Variants in SEC63 observed in about 807,000 individuals in gnomAD.
SEC63 encodes the protein SEC63 protein translocation regulator, also known as translocation protein SEC63 homolog.
Under a neutral mutation model 116.2 loss-of-function variants are expected in SEC63, and 56 were observed. The observed-to-expected ratio is 0.48, with a 90% CI of 0.39 to 0.60. The LOEUF is 0.60. Ranked by LOEUF, SEC63 falls within the 20% of genes least tolerant of loss-of-function variation. The probability of loss-of-function intolerance (pLI) is 0.00; values close to 1 mark genes in which losing one functional copy is unlikely to be tolerated. For synonymous variants in SEC63, 273 were observed against 294.6 expected (o/e 0.93, Z 0.75); for missense variants, 668 against 900.0 (o/e 0.74, Z 3.30).
At chr6:107,892,951 T>C (rs901223172) in intron 16 of SEC63, among the ~76,000 whole-genome samples, 1 of 152,142 alleles carries the variant, frequency 6.6e-6, no homozygotes, top group African/African-American at 2.4e-5. Flanking sequence ...AATCTAGCAA[T>C]TCCACTGCTA....
intron 1 of SEC63, among the ~76,000 whole-genome samples, chr6:107,953,051 G>C (rs1268125867): frequency 1.3e-5 from 2 of 152,190 alleles, no homozygotes; most frequent in Non-Finnish European, 2.9e-5. Context: ...ATTGAGGTCA[G>C]AAGTTCGAGA....
intron 10 of SEC63, among the ~76,000 whole-genome samples, chr6:107,905,981 T>A (rs1787139357): frequency 6.6e-6 from 1 of 152,186 alleles, no homozygotes; most frequent in Admixed American, 6.5e-5. Context: ...CGCACCACCA[T>A]GCTATGGTTT....
Position 107,908,975 on chromosome 6 carries a change from G to A in SEC63, c.685C>T (p.Gln229Ter). Residue 229 changes from glutamine (Q) to a stop codon, truncating the protein, a stop_gained, in exon 8 of 21, where the codon CAG becomes TAG. Coordinates refer to ENST00000369002, the MANE Select transcript of SEC63 (RefSeq NM_007214.5). LOFTEE classifies it high-confidence loss of function. ...TTATAAACAAAGTATGTATAAATCT[G>A]TGTTGTGCGTATTAGAATCTGGTCT... The part of the protein sequence containing the change: ...SGDQILIRTT[Q>*]IYTYFVYKTR... 6.2e-7 allele frequency: 1 copy of A among 1,613,200 alleles called. No individual in the cohort carries two copies. Among genetic ancestry groups the A allele is most frequent in the South Asian group, 1.1e-5 (1 of 91,056 alleles).
intron 1 of SEC63, among the ~76,000 whole-genome samples, chr6:107,933,845 C>T (rs959183952): frequency 3.9e-5 from 6 of 152,192 alleles, no homozygotes; most frequent in African/African-American, 1.4e-4. Context: ...CTCAGCCTGC[C>T]GAGTGCCTGC....
intron 1 of SEC63, among the ~76,000 whole-genome samples, chr6:107,955,169 G>A (rs1470624616): frequency 6.6e-6 from 1 of 152,192 alleles, no homozygotes; most frequent in Non-Finnish European, 1.5e-5. Context: ...TTCTTTACCT[G>A]TAAATGGAGA....
chr6:107,952,013 T>C (rs1046602493), intron 1 of SEC63, among the ~76,000 whole-genome samples: 10 of 151,682 alleles, frequency 6.6e-5, no homozygotes, highest in Non-Finnish European at 1.3e-4. Flanking sequence ...TTCTAATGTG[T>C]AGCCAGGGTT....
At chr6:107,881,706 A>T (rs1253230292) in intron 17 of SEC63, among the ~76,000 whole-genome samples, 1 of 152,126 alleles carries the variant, frequency 6.6e-6, no homozygotes, top group Non-Finnish European at 1.5e-5. Context: ...CTACCTCAGG[A>T]CTGAACTGAT....
intron 16 of SEC63, among the ~76,000 whole-genome samples, chr6:107,890,478 G>A (rs905292456): frequency 2.0e-5 from 3 of 152,076 alleles, no homozygotes; most frequent in Non-Finnish European, 4.4e-5. Flanking sequence ...ACGTGAGATG[G>A]GTCTCCTGAA....
chr6:107,916,361 A>G (rs1482343048), intron 4 of SEC63, among the ~76,000 whole-genome samples: 1 of 152,254 alleles, frequency 6.6e-6, no homozygotes, highest in Non-Finnish European at 1.5e-5. Flanking sequence ...GCACTGCTTT[A>G]TTACAGAATC....
chr6:107,949,337 G>A (rs1397631129), intron 1 of SEC63, among the ~76,000 whole-genome samples: 1 of 152,074 alleles, frequency 6.6e-6, no homozygotes, highest in African/African-American at 2.4e-5. Flanking sequence ...AGTAACTACA[G>A]AATATACTCA....
intron 4 of SEC63, among the ~76,000 whole-genome samples, chr6:107,918,294 G>A (rs530781986): frequency 2.0e-5 from 3 of 151,926 alleles, no homozygotes; most frequent in South Asian, 2.1e-4. Flanking sequence ...CATTGACAAC[G>A]CACGTGGTCA....
At chr6:107,917,001 G>A (rs1787420494) in intron 4 of SEC63, among the ~76,000 whole-genome samples, 1 of 152,194 alleles carries the variant, frequency 6.6e-6, no homozygotes, top group Non-Finnish European at 1.5e-5. Context: ...AATCTCTGCA[G>A]CACTGTAACA....
Position 107,881,171 on chromosome 6 carries a change from A to G in SEC63, c.1913T>C (p.Val638Ala). 1 of 1,611,368 alleles carries G rather than the reference A, an allele frequency of 6.2e-7. No individual in the cohort carries two copies. ...LETKSKITHP[V>A]YSLYFPEEKQ... The stretch of plus-strand genomic sequence containing the variant: ...CACCTCAGGAAAGTAAAGGCTATAC[A>G]CAGGATGTGTTATTTTTGATTTGGT... The change falls in exon 18 of 21, where the codon GTG becomes GCG. Residue 638 changes from valine to alanine, a missense_variant. By Grantham distance (64) the Val-to-Ala change is moderately conservative (BLOSUM62 0). Around this residue, in one of 5 missense-constraint regions of SEC63, gnomAD observed 430 missense variants for 557.5 expected, o/e 0.77. Coordinates refer to ENST00000369002, the MANE Select transcript of SEC63 (RefSeq NM_007214.5).
At chr6:107,891,738 G>A (rs978106107) in intron 16 of SEC63, among the ~76,000 whole-genome samples, 3 of 152,168 alleles carry the variant, frequency 2.0e-5, no homozygotes, top group African/African-American at 4.8e-5. Flanking sequence ...TTCGGATGGG[G>A]TCTCTGAGTG....
intron 4 of SEC63, among the ~76,000 whole-genome samples, chr6:107,920,468 C>T (rs139701941): frequency 1.1e-3 from 161 of 148,548 alleles, no homozygotes; most frequent in African/African-American, 3.6e-3. Flanking sequence ...GGCTACTGCA[C>T]GCTTAATAGA....
At chr6:107,897,762 A>G in intron 13 of SEC63, 31 bp from the exon 14 acceptor site, 1 of 1,466,276 alleles carries the variant, frequency 6.8e-7, no homozygotes, top group Non-Finnish European at 9.6e-7. Context: ...AAACAGCAAA[A>G]AATAAAAATC....
chr6:107,906,445 T>C lies in SEC63; in HGVS notation c.961+3A>G. ...CCTCTGTAGATACCGGAATCACAAATACCTTCTTCAAGGGTCTCAGGAATT... is the reference window on the plus strand; with the variant it reads ...CCTCTGTAGATACCGGAATCACAAACACCTTCTTCAAGGGTCTCAGGAATT... On this transcript the variant is annotated splice_donor_region_variant and intron_variant, in intron 10 of 20. Coordinates refer to ENST00000369002, the MANE Select transcript of SEC63 (RefSeq NM_007214.5). 6.2e-7 allele frequency: 1 copy of C among 1,614,070 alleles called. No individual in the cohort carries two copies.
intron 1 of SEC63, among the ~76,000 whole-genome samples, chr6:107,947,502 A>AT (rs1182937529): frequency 2.6e-5 from 4 of 151,360 alleles, no homozygotes; most frequent in Non-Finnish European, 5.9e-5. Context: ...AGCCCAGGAG[A>AT]TTGAGGTTGC....
At chr6:107,955,658 G>A (rs1464414597) in intron 1 of SEC63, among the ~76,000 whole-genome samples, 1 of 152,010 alleles carries the variant, frequency 6.6e-6, no homozygotes, top group Non-Finnish European at 1.5e-5. Context: ...GCCCGAGGAG[G>A]GCAGATCACT....
Sources: gnomAD v4.1 joint callset for allele counts (sites outside exome capture counted in the v4.1 genomes callset) on GRCh38, gnomAD v4.1.1 for gene constraint, gnomAD v4.1.1 regional missense constraint, MANE v1.5 for transcripts, NCBI Gene and HGNC (gene_info 2026-07-23, HGNC 2026-07-21) for gene names.